RAB3GAP1: variants seen among roughly 807,000 people sequenced by gnomAD.
RAB3GAP1 encodes RAB3 GTPase activating protein catalytic subunit 1.
Under a neutral mutation model 130.7 loss-of-function variants are expected in RAB3GAP1, and 86 were observed. The ratio of observed to expected loss-of-function variants is 0.66; its 90% CI spans 0.55 to 0.79. The LOEUF is 0.79. RAB3GAP1 is among the 30% of genes least tolerant of loss of function. The pLI, the probability that RAB3GAP1 is intolerant of heterozygous loss-of-function variation, is 0.00. For synonymous variants in RAB3GAP1, 367 were observed against 401.7 expected (o/e 0.91, Z 1.03); for missense variants, 1,029 against 1,169.4 (o/e 0.88, Z 1.75).
intron 5 of RAB3GAP1, 146 bp downstream of exon 5, chr2:135,093,839 CA>C: frequency 1.4e-6 from 1 of 726,862 alleles, no homozygotes; most frequent in Non-Finnish European, 2.5e-6. Context: ...GGATACAGGG[CA>C]AAATCTGCAA....
At chr2:135,113,028 A>G (rs1690859728) in intron 5 of RAB3GAP1, 123 bp from the exon 6 acceptor site, 1 of 1,350,620 alleles carries the variant, frequency 7.4e-7, no homozygotes, top group Admixed American at 1.8e-5. Flanking sequence ...ATTAAAAGAA[A>G]CACTTTTAGT....
rs571694568 is a variant in RAB3GAP1, at chr2:135,126,469, A to G, written c.900-114A>G. ...ATCTGGATAAGAGTAAGTTTAAGGG[A>G]GGCTAAATGGATTGCTTGTCCTTCT... On this transcript the variant is annotated intron_variant, in intron 10 of 23. Coordinates refer to ENST00000264158, the MANE Select transcript of RAB3GAP1 (RefSeq NM_012233.3). The G allele has an allele frequency of 1.1e-5, 12 of 1,078,022 alleles. No individual in the cohort carries two copies. In the African/African-American group the frequency reaches 1.9e-4, roughly 17 times the overall value. 66.8% of individuals were successfully genotyped at this position (1,078,022 alleles called of 1,614,324 possible). A position where few individuals can be genotyped will look rare whatever the true frequency, so the allele number is the denominator to read the frequency against.
chr2:135,143,040 A>C (rs1194104764), intron 17 of RAB3GAP1, among the ~76,000 whole-genome samples: 2 of 151,986 alleles, frequency 1.3e-5, no homozygotes, highest in African/African-American at 4.8e-5. Flanking sequence ...GAACATATTC[A>C]CCAGTGAAAC....
chr2:135,169,409 T>C lies in RAB3GAP1; in HGVS notation c.*628T>C. The C allele has an allele frequency of 5.5e-6, 1 of 182,658 alleles. No individual in the cohort carries two copies. The highest frequency in any genetic ancestry group is 1.1e-4 in the South Asian group (1 of 8,752). The allele number at this position is 182,658 out of a possible 1,614,324, so 11.3% of individuals were successfully genotyped here. A position where few individuals can be genotyped will look rare whatever the true frequency, so the allele number is the denominator to read the frequency against. The stretch of plus-strand genomic sequence containing the variant: ...TCATGTAACTGTAACCTAAATGTAT[T>C]ACTTCTGATAAAACTATATATCAAA... On this transcript the variant is annotated 3_prime_UTR_variant, in exon 24 of 24. Transcript: ENST00000264158.
chr2:135,089,854 C>A, intron 3 of RAB3GAP1: 1 of 399,352 alleles, frequency 2.5e-6, no homozygotes. Context: ...CCAAATGCTG[C>A]ATGTTCTCAC....
At chr2:135,162,474 T>C (rs1692491307) in intron 19 of RAB3GAP1, 81 bp from the exon 20 acceptor site, 1 of 1,052,584 alleles carries the variant, frequency 9.5e-7, no homozygotes, top group Admixed American at 1.9e-5. Flanking sequence ...GATGAGTGGC[T>C]GAGGATTTGC....
At chr2:135,119,739 C>T (rs1691140385) in intron 7 of RAB3GAP1, among the ~76,000 whole-genome samples, 1 of 152,118 alleles carries the variant, frequency 6.6e-6, no homozygotes, top group Non-Finnish European at 1.5e-5. Context: ...TCATGTATTC[C>T]TTTGCTACTC....
chr2:135,062,295 C>T (rs983691409), intron 3 of RAB3GAP1, among the ~76,000 whole-genome samples: 24 of 152,214 alleles, frequency 1.6e-4, no homozygotes, highest in Admixed American at 1.3e-4. Flanking sequence ...GTGAGGCTGT[C>T]TTATGCATTG....
intron 6 of RAB3GAP1, among the ~76,000 whole-genome samples, chr2:135,114,871 T>G (rs1690920274): frequency 6.6e-6 from 1 of 152,246 alleles, no homozygotes; most frequent in Non-Finnish European, 1.5e-5. Flanking sequence ...TTATATTGTT[T>G]AATACCTGTA....
intron 5 of RAB3GAP1, among the ~76,000 whole-genome samples, chr2:135,104,030 A>G (rs1465208689): frequency 6.6e-6 from 1 of 152,224 alleles, no homozygotes; most frequent in Non-Finnish European, 1.5e-5. Flanking sequence ...CACACAGATC[A>G]TTTAGCAGAA....
intron 7 of RAB3GAP1, among the ~76,000 whole-genome samples, chr2:135,116,409 T>C (rs1157400263): frequency 6.6e-6 from 1 of 152,158 alleles, no homozygotes. Flanking sequence ...AAGTGAGCCA[T>C]GTTTTGCAAC....
chr2:135,052,486 G>A lies in RAB3GAP1; in HGVS notation c.74+1G>A. On this transcript the variant is annotated splice_donor_variant, in intron 2 of 23. Transcript: ENST00000264158. LOFTEE classifies it high-confidence loss of function. ...TCACCACTGCCTCGGAATGGGAAAG[G>A]TGAGTGAATCGCATTTTTGGTTACC... The A allele has an allele frequency of 6.2e-7, 1 of 1,613,532 alleles. No homozygotes were observed. Among genetic ancestry groups the A allele is most frequent in the Non-Finnish European group, 8.5e-7 (1 of 1,180,038 alleles).
At chr2:135,082,397 C>T (rs1689850158) in intron 3 of RAB3GAP1, among the ~76,000 whole-genome samples, 2 of 152,010 alleles carry the variant, frequency 1.3e-5, no homozygotes, top group African/African-American at 2.4e-5. Context: ...TATATATTTG[C>T]CTGTTCTGGA....
chr2:135,099,284 G>C (rs1690384579), intron 5 of RAB3GAP1, among the ~76,000 whole-genome samples: 1 of 151,952 alleles, frequency 6.6e-6, no homozygotes, highest in South Asian at 2.1e-4. Flanking sequence ...TGTTTAAATT[G>C]ATATGATTGT....
At chr2:135,103,006 G>GA (rs371708711) in intron 5 of RAB3GAP1, among the ~76,000 whole-genome samples, 15,781 of 70,496 alleles carry the variant, frequency 0.22, 2,286 homozygotes, top group East Asian at 0.38. Context: ...GACTCCGTCT[G>GA]AAAAAAAAAA....
rs1019548817 is a variant in RAB3GAP1 at position 135,110,605 on chromosome 2, G to T, written c.363-2546G>T. ...GCTTGTTATTCATGGCTTGTATACA[G>T]TGGCATTGTGTGTGTGTACAGTAAG... is the stretch of plus-strand genomic sequence containing the variant. On this transcript the variant is annotated intron_variant, in intron 5 of 23. Transcript: ENST00000264158. Among the ~76,000 whole-genome samples, 7 of 152,208 alleles carry T rather than the reference G, an allele frequency of 4.6e-5. 1 individual carries two copies. The highest frequency in any genetic ancestry group is 4.6e-4 in the Admixed American group (7 of 15,292).
intron 2 of RAB3GAP1, among the ~76,000 whole-genome samples, 177 bp downstream of exon 2, chr2:135,052,662 C>G (rs1688913966): frequency 6.6e-6 from 1 of 152,166 alleles, no homozygotes; most frequent in Admixed American, 6.5e-5. Context: ...CCGCGTCTCG[C>G]GTCTGGCAAC....
chr2:135,088,718 GAAA>G (rs1427846221), intron 3 of RAB3GAP1, among the ~76,000 whole-genome samples: 2 of 142,870 alleles, frequency 1.4e-5, no homozygotes, highest in Admixed American at 6.9e-5. Context: ...AGAAAGAAAA[GAAA>G]AAAAATTAAA....
At chr2:135,165,155 C>T in intron 23 of RAB3GAP1, 1 of 455,988 alleles carries the variant, frequency 2.2e-6, no homozygotes, top group East Asian at 6.9e-5. Flanking sequence ...TTGAGGTTTC[C>T]TAGAAAAGAA....
Sources: gnomAD v4.1 joint callset for allele counts (sites outside exome capture counted in the v4.1 genomes callset) on GRCh38, gnomAD v4.1.1 for gene constraint, MANE v1.5 for transcripts, NCBI Gene and HGNC (gene_info 2026-07-23, HGNC 2026-07-21) for gene names.